Variants in SPATS2 observed in about 807,000 individuals in gnomAD.
The protein encoded by SPATS2 is spermatogenesis-associated serine-rich protein 2.
SPATS2 carries 38 observed loss-of-function variants against 63.7 expected under a neutral mutation model. The observed-to-expected ratio is 0.60, with a 90% CI of 0.46 to 0.78. The LOEUF (loss-of-function observed/expected upper bound fraction) is 0.78. Ranked by LOEUF, SPATS2 falls within the 30% of genes least tolerant of loss-of-function variation. The pLI, the probability that SPATS2 is intolerant of heterozygous loss-of-function variation, is 0.00. For synonymous variants in SPATS2, 207 were observed against 232.9 expected, an observed-to-expected ratio of 0.89 and a Z score of 1.01; for missense variants, 588 against 666.2, an observed-to-expected ratio of 0.88 and a Z score of 1.29.
At chr12:49,522,680 T>A in intron 11 of SPATS2, 71 bp from the exon 12 acceptor site, 1 of 1,235,026 alleles carries the variant, frequency 8.1e-7, no homozygotes, top group South Asian at 1.4e-5. Flanking sequence ...TTGTTTAATC[T>A]GTATAGCAAG....
At chr12:49,488,675 T>C (rs1946335542) in intron 4 of SPATS2, among the ~76,000 whole-genome samples, 1 of 151,964 alleles carries the variant, frequency 6.6e-6, no homozygotes. Flanking sequence ...AAATAAGAGA[T>C]GCATTTATCA....
intron 2 of SPATS2, among the ~76,000 whole-genome samples, chr12:49,428,119 A>G (rs561098450): frequency 1.3e-5 from 2 of 152,148 alleles, no homozygotes; most frequent in African/African-American, 4.8e-5. Flanking sequence ...GCCGGGCGCC[A>G]TGGCAGGCGC....
chr12:49,442,654 A>G (rs1454501685), intron 2 of SPATS2: 3 of 152,774 alleles, frequency 2.0e-5, no homozygotes, highest in African/African-American at 7.3e-5. Flanking sequence ...CCTTGTGGAT[A>G]GAGATGGAAT....
chr12:49,516,201 ATATATAT>A (rs1374126632), intron 10 of SPATS2, among the ~76,000 whole-genome samples: 33 of 107,816 alleles, frequency 3.1e-4, no homozygotes, highest in Middle Eastern at 4.4e-3. Context: ...ATATATATAT[ATATATAT>A]AAATCAGGCA....
At chr12:49,519,212 T>C in intron 11 of SPATS2, 30 bp downstream of exon 11, 2 of 1,572,444 alleles carry the variant, frequency 1.3e-6, no homozygotes, top group Non-Finnish European at 1.7e-6. Flanking sequence ...TCTGCCTTTC[T>C]TCTTATCCTC....
intron 2 of SPATS2, among the ~76,000 whole-genome samples, chr12:49,397,564 A>G (rs1252462206): frequency 1.3e-5 from 2 of 151,898 alleles, no homozygotes; most frequent in East Asian, 3.9e-4. Flanking sequence ...GCTGTGGCTC[A>G]CTCCTGTAAT....
intron 2 of SPATS2, among the ~76,000 whole-genome samples, chr12:49,459,861 C>T (rs1184269789): frequency 2.5e-4 from 34 of 137,072 alleles, no homozygotes; most frequent in African/African-American, 8.8e-4. Flanking sequence ...CCGAGGCAGG[C>T]GGATCACGAG....
At position 49,426,324 on chromosome 12, in the gene SPATS2, C is replaced by T. The variant is rs376929016; in HGVS notation, c.-243-34446C>T. Among the ~76,000 whole-genome samples, 9 of 152,174 alleles carry T rather than the reference C, an allele frequency of 5.9e-5. No homozygotes were observed. In the East Asian group the frequency reaches 1.4e-3, roughly 23 times the overall value. On this transcript the variant is annotated intron_variant, in intron 2 of 13. Coordinates refer to ENST00000552918, the MANE Select transcript of SPATS2 (RefSeq NM_023071.4). ...TATTCAGATCAGGATCCTAGAAGCC[C>T]TCCTGTGCTCTGACCCAGATTCTCT...
chr12:49,458,192 G>A (rs553490109), intron 2 of SPATS2, among the ~76,000 whole-genome samples: 32 of 152,250 alleles, frequency 2.1e-4, no homozygotes, highest in South Asian at 4.1e-4. Context: ...TTTTCAGCCA[G>A]GCATGGTGGC....
chr12:49,389,640 C>G (rs1268883136), intron 2 of SPATS2: 4 of 1,230,248 alleles, frequency 3.3e-6, no homozygotes, highest in Non-Finnish European at 3.6e-6. Flanking sequence ...CGAGTAGAAG[C>G]CACGAAGCAG....
intron 2 of SPATS2, among the ~76,000 whole-genome samples, chr12:49,416,833 G>A (rs772096314): frequency 6.6e-6 from 1 of 152,292 alleles, no homozygotes; most frequent in South Asian, 2.1e-4. Context: ...TGCCCCTTCT[G>A]TTGCATTCCC....
At chr12:49,403,831 G>A (rs903705004) in intron 2 of SPATS2, among the ~76,000 whole-genome samples, 4 of 152,152 alleles carry the variant, frequency 2.6e-5, no homozygotes, top group African/African-American at 9.7e-5. Flanking sequence ...AAGAGAATTA[G>A]CTTTAGATTC....
intron 9 of SPATS2, among the ~76,000 whole-genome samples, chr12:49,505,241 A>C (rs942503620): frequency 6.6e-6 from 1 of 152,184 alleles, no homozygotes; most frequent in Admixed American, 6.5e-5. Context: ...GAATGTGCTA[A>C]TGTAATATGT....
At position 49,516,204 on chromosome 12, in the gene SPATS2, T is replaced by TATATAAATAA. The variant is rs1555193494; in HGVS notation, c.898+1599_898+1600insAAATATAAAT. On this transcript the variant is annotated intron_variant, in intron 10 of 13. Coordinates refer to ENST00000552918, the MANE Select transcript of SPATS2 (RefSeq NM_023071.4). ...ATATATATATATATATATATATATA[T>TATATAAATAA]ATATAAATCAGGCATGGGGTCATGT... Among the ~76,000 whole-genome samples the TATATAAATAA allele has an allele frequency of 1.0e-3, 71 of 70,706 alleles. 1 individual carries two copies. Among genetic ancestry groups the TATATAAATAA allele is most frequent in the African/African-American group, 1.8e-3 (35 of 19,016 alleles). 46.4% of individuals were successfully genotyped at this position (70,706 alleles called of 152,430 possible). A position where few individuals can be genotyped will look rare whatever the true frequency, so the allele number is the denominator to read the frequency against.
rs571285797 is a variant in SPATS2, at chr12:49,461,345, T to G, written c.25+308T>G. The G allele has an allele frequency of 9.9e-4, 251 of 253,686 alleles. 1 individual carries two copies. The highest frequency in any genetic ancestry group is 5.3e-3 in the African/African-American group (236 of 44,250). 15.7% of individuals were successfully genotyped at this position (253,686 alleles called of 1,614,324 possible). ...TTGCTGCAGGATATTCTATGTTGTT[T>G]GAGTTGGCATTTTTCTAGAGAAAGG... On this transcript the variant is annotated intron_variant, in intron 3 of 13. Transcript: ENST00000552918.
intron 11 of SPATS2, among the ~76,000 whole-genome samples, chr12:49,520,406 C>T (rs990010118): frequency 2.0e-5 from 3 of 152,158 alleles, no homozygotes; most frequent in African/African-American, 7.2e-5. Context: ...GTGTGAGCCA[C>T]CGCGCCCGGC....
intron 2 of SPATS2, among the ~76,000 whole-genome samples, chr12:49,431,499 C>T (rs1301506444): frequency 4.6e-5 from 7 of 152,126 alleles, no homozygotes; most frequent in Middle Eastern, 3.2e-3. Flanking sequence ...CTGCCCGCCT[C>T]GGCTTCCCAA....
intron 2 of SPATS2, among the ~76,000 whole-genome samples, chr12:49,419,514 A>T (rs188286715): frequency 6.6e-6 from 1 of 152,364 alleles, no homozygotes; most frequent in Admixed American, 6.5e-5. Context: ...CAGTAATTCC[A>T]TAGAGACTAG....
chr12:49,385,939 C>T (rs543524286), intron 2 of SPATS2, among the ~76,000 whole-genome samples: 21 of 148,766 alleles, frequency 1.4e-4, no homozygotes, highest in African/African-American at 4.5e-4. Context: ...TGCGATCTTA[C>T]TGCAACCTCT....
Sources: gnomAD v4.1 joint callset for allele counts (sites outside exome capture counted in the v4.1 genomes callset) on GRCh38, gnomAD v4.1.1 for gene constraint, MANE v1.5 for transcripts, NCBI Gene and HGNC (gene_info 2026-07-23, HGNC 2026-07-21) for gene names.